The following KALRN variants were observed in gnomAD, a reference collection of about 807,000 sequenced individuals.
KALRN encodes kalirin.
In KALRN, 70 loss-of-function variants were observed where a neutral mutation model predicts 353.7. The ratio of observed to expected loss-of-function variants is 0.20; its 90% CI spans 0.16 to 0.24. The LOEUF (loss-of-function observed/expected upper bound fraction) is 0.24, where lower values mean the gene tolerates loss of function less well. Ranked by LOEUF, KALRN falls within the 10% of genes least tolerant of loss-of-function variation. KALRN has a pLI of 1.00. For missense variants in KALRN, 2,791 were observed against 3,756.7 expected (o/e 0.74, Z 6.72); for synonymous variants, 1,391 against 1,434.8 (o/e 0.97, Z 0.69).
At chr3:124,532,532 A>G (rs934523034) in intron 33 of KALRN, among the ~76,000 whole-genome samples, 3 of 152,164 alleles carry the variant, frequency 2.0e-5, no homozygotes, top group Non-Finnish European at 4.4e-5. Flanking sequence ...TAGGCTGGGC[A>G]TGGTGGCTCA....
intron 13 of KALRN, among the ~76,000 whole-genome samples, chr3:124,406,832 C>T (rs1325031631): frequency 1.7e-4 from 22 of 126,300 alleles, no homozygotes; most frequent in African/African-American, 1.8e-4. Context: ...AGTTGCTTTG[C>T]TTTTTTTTTT....
At chr3:124,671,162 C>G (rs146086153) in intron 47 of KALRN, among the ~76,000 whole-genome samples, 159 of 152,336 alleles carry the variant, frequency 1.0e-3, no homozygotes, top group Non-Finnish European at 1.0e-3. Flanking sequence ...CAATTTAAAG[C>G]TTTAAAGTTC....
chr3:124,532,441 G>T (rs1483833575), intron 33 of KALRN, among the ~76,000 whole-genome samples: 2 of 152,192 alleles, frequency 1.3e-5, no homozygotes, highest in African/African-American at 4.8e-5. Flanking sequence ...ATTTAGTTTT[G>T]ATCCTAATTC....
At chr3:124,256,924 G>A (rs1160011041) in intron 3 of KALRN, among the ~76,000 whole-genome samples, 1 of 152,188 alleles carries the variant, frequency 6.6e-6, no homozygotes, top group Non-Finnish European at 1.5e-5. Flanking sequence ...ATACTGGGGA[G>A]GGAAACTGCC....
At chr3:124,670,923 T>C (rs2086343229) in intron 47 of KALRN, among the ~76,000 whole-genome samples, 1 of 152,184 alleles carries the variant, frequency 6.6e-6, no homozygotes, top group Admixed American at 6.5e-5. Flanking sequence ...GATTCTTGCA[T>C]TGCTTTTCCC....
intron 1 of KALRN, among the ~76,000 whole-genome samples, chr3:124,186,434 G>T (rs1465304049): frequency 2.6e-5 from 4 of 152,184 alleles, no homozygotes; most frequent in African/African-American, 4.8e-5. Flanking sequence ...GATTAAATGA[G>T]TGAATAAGTT....
At chr3:124,482,950 A>G (rs913734312) in intron 28 of KALRN, 50 bp downstream of exon 28, 1 of 1,264,768 alleles carries the variant, frequency 7.9e-7, no homozygotes. Flanking sequence ...TGCCTGGGGC[A>G]AGGGAGTCCC....
At chr3:124,556,922 G>A (rs1225790533) in intron 33 of KALRN, among the ~76,000 whole-genome samples, 3 of 152,148 alleles carry the variant, frequency 2.0e-5, no homozygotes, top group Non-Finnish European at 1.5e-5. Flanking sequence ...ATATACAACT[G>A]TACGTCTTGT....
At chr3:124,235,304 A>G (rs1216950916) in intron 3 of KALRN, among the ~76,000 whole-genome samples, 1 of 152,118 alleles carries the variant, frequency 6.6e-6, no homozygotes, top group Non-Finnish European at 1.5e-5. Context: ...TTTTCCATGT[A>G]TTAAACACAG....
intron 1 of KALRN, among the ~76,000 whole-genome samples, chr3:124,133,283 C>G (rs1245408886): frequency 6.6e-6 from 1 of 152,116 alleles, no homozygotes; most frequent in African/African-American, 2.4e-5. Flanking sequence ...TCTGGGCAAG[C>G]TGGGTGACAG....
intron 49 of KALRN, among the ~76,000 whole-genome samples, chr3:124,675,778 C>G (rs1170334987): frequency 6.6e-6 from 1 of 152,162 alleles, no homozygotes; most frequent in Non-Finnish European, 1.5e-5. Flanking sequence ...CAGTGTTTGA[C>G]TGGCATTCTC....
chr3:124,257,041 C>T (rs1324247195), intron 3 of KALRN, among the ~76,000 whole-genome samples: 1 of 152,164 alleles, frequency 6.6e-6, no homozygotes, highest in East Asian at 1.9e-4. Flanking sequence ...CCTATTCTTG[C>T]AATAAATGAC....
intron 17 of KALRN, among the ~76,000 whole-genome samples, chr3:124,437,958 A>G (rs1466440077): frequency 6.6e-6 from 1 of 152,170 alleles, no homozygotes; most frequent in Non-Finnish European, 1.5e-5. Flanking sequence ...TATTATAGTA[A>G]ATAGTTGTTA....
At chr3:124,101,569 A>T (rs1031762011) in intron 1 of KALRN, among the ~76,000 whole-genome samples, 5 of 152,142 alleles carry the variant, frequency 3.3e-5, no homozygotes, top group African/African-American at 1.2e-4. Flanking sequence ...ATTCCAAGTC[A>T]AGGATTGATT....
At chr3:124,152,069 T>A in intron 1 of KALRN, 2 of 1,322,988 alleles carry the variant, frequency 1.5e-6, no homozygotes, top group East Asian at 4.6e-5. Flanking sequence ...AGAAGATAAT[T>A]TAAAGGGCCA....
chr3:124,045,076 G>A (rs1365968913), intron 1 of KALRN, among the ~76,000 whole-genome samples: 1 of 152,050 alleles, frequency 6.6e-6, no homozygotes, highest in Non-Finnish European at 1.5e-5. Context: ...AGGGACAATG[G>A]GCATCTATGG....
intron 33 of KALRN, among the ~76,000 whole-genome samples, chr3:124,513,468 G>C (rs1177362994): frequency 6.6e-6 from 1 of 152,136 alleles, no homozygotes; most frequent in African/African-American, 2.4e-5. Context: ...GAAAGCGTTT[G>C]CCACTGTGTG....
chr3:124,412,187 C>T (rs1288391034), intron 13 of KALRN, among the ~76,000 whole-genome samples: 1 of 152,184 alleles, frequency 6.6e-6, no homozygotes, highest in Non-Finnish European at 1.5e-5. Flanking sequence ...TATAAGAGCA[C>T]CGCTCCCACT....
intron 1 of KALRN, among the ~76,000 whole-genome samples, chr3:124,056,267 A>G (rs1389876021): frequency 6.6e-6 from 1 of 151,422 alleles, no homozygotes; most frequent in African/African-American, 2.4e-5. Context: ...TTGAGGGAGG[A>G]GAGGAATCTC....
Sources: gnomAD v4.1 joint callset for allele counts (sites outside exome capture counted in the v4.1 genomes callset) on GRCh38, gnomAD v4.1.1 for gene constraint, MANE v1.5 for transcripts, NCBI Gene and HGNC (gene_info 2026-07-23, HGNC 2026-07-21) for gene names.